LARP4B: variants seen among roughly 807,000 people sequenced by gnomAD.
LARP4B encodes La ribonucleoprotein 4B.
Under a neutral mutation model 89.8 loss-of-function variants are expected in LARP4B, and 12 were observed. The observed-to-expected ratio is 0.13, with a 90% CI of 0.09 to 0.22. LARP4B has a LOEUF of 0.22. Ranked by LOEUF, LARP4B falls within the 10% of genes least tolerant of loss-of-function variation. The probability of loss-of-function intolerance (pLI) is 1.00; values close to 1 mark genes in which losing one functional copy is unlikely to be tolerated. For synonymous variants in LARP4B, 367 were observed against 363.3 expected, an observed-to-expected ratio of 1.01 and a Z score of -0.12; for missense variants, 757 against 947.7, an observed-to-expected ratio of 0.80 and a Z score of 2.64.
chr10:917,926 G>GA (rs1836868839), intron 1 of LARP4B, among the ~76,000 whole-genome samples: 1 of 152,146 alleles, frequency 6.6e-6, no homozygotes, highest in Admixed American at 6.5e-5. Flanking sequence ...ATGGGGACTG[G>GA]AGAGAGAAAA....
the LARP4B span, among the ~76,000 whole-genome samples, chr10:954,584 G>C: frequency 5.3e-5 from 8 of 152,154 alleles, no homozygotes; most frequent in Non-Finnish European, 7.4e-5. The surrounding 1 kb of genome is among the most constrained non-coding windows in gnomAD (Gnocchi z 5.0). Context: ...GGAGGACACA[G>C]CTGCTGCGTG....
At chr10:859,684 T>C (rs930334338) in intron 5 of LARP4B, among the ~76,000 whole-genome samples, 2 of 152,200 alleles carry the variant, frequency 1.3e-5, no homozygotes, top group African/African-American at 4.8e-5. Flanking sequence ...GACAATGGAA[T>C]GTTATTCAGT....
At chr10:911,440 T>C (rs781530681) in intron 1 of LARP4B, among the ~76,000 whole-genome samples, 1 of 152,206 alleles carries the variant, frequency 6.6e-6, no homozygotes, top group African/African-American at 2.4e-5. Flanking sequence ...CCTTAAAATG[T>C]GTTTGATCCC....
chr10:969,672 T>C, the LARP4B span, among the ~76,000 whole-genome samples: 2 of 152,026 alleles, frequency 1.3e-5, no homozygotes, highest in African/African-American at 4.8e-5. Context: ...GAGGCTGCAG[T>C]GAGCCAAGAT....
chr10:820,856 G>A lies in LARP4B; in HGVS notation c.1485-11C>T. The A allele has an allele frequency of 6.2e-7, 1 of 1,612,316 alleles. No individual in the cohort carries two copies. The highest frequency in any genetic ancestry group is 2.2e-5 in the East Asian group (1 of 44,866). Reference sequence around the variant, plus strand: ...CCAAAGGAATTCTTCCTAGAGGAGTGGAAAGTGAAAGACTGTTATTTTTTT... The same window carrying A: ...CCAAAGGAATTCTTCCTAGAGGAGTAGAAAGTGAAAGACTGTTATTTTTTT... On this transcript the variant is annotated splice_polypyrimidine_tract_variant and intron_variant, in intron 13 of 17. Coordinates refer to ENST00000316157, the MANE Select transcript of LARP4B (RefSeq NM_015155.3).
chr10:915,832 C>CAAAA (rs71297915), intron 1 of LARP4B, among the ~76,000 whole-genome samples: 11 of 75,162 alleles, frequency 1.5e-4, no homozygotes, highest in Non-Finnish European at 1.8e-4. Flanking sequence ...GACTCCGCCT[C>CAAAA]AAAAAAAAAA....
chr10:938,804 C>T, the LARP4B span, among the ~76,000 whole-genome samples: 1 of 152,130 alleles, frequency 6.6e-6, no homozygotes, highest in Non-Finnish European at 1.5e-5. Flanking sequence ...TGCAATTTGT[C>T]TGTAAACTTG....
chr10:864,103 C>A lies in LARP4B; in HGVS notation c.289+20G>T. 1 of 1,613,906 alleles carries A rather than the reference C, an allele frequency of 6.2e-7. No individual in the cohort carries two copies. The highest frequency in any genetic ancestry group is 8.5e-7 in the Non-Finnish European group (1 of 1,179,860). On this transcript the variant is annotated intron_variant, in intron 4 of 17. Transcript: ENST00000316157. ...GGCCTGAAAGCAGGGGGCTGCACAC[C>A]ACGGCCATGCTCAACTTACCCTGCG...
intron 5 of LARP4B, among the ~76,000 whole-genome samples, chr10:849,235 A>G (rs999907963): frequency 1.3e-5 from 2 of 152,218 alleles, no homozygotes; most frequent in African/African-American, 2.4e-5. Context: ...CTAGCACTCA[A>G]TCTTGGTTTC....
At chr10:823,395 T>C (rs1307854517) in intron 13 of LARP4B, among the ~76,000 whole-genome samples, 1 of 152,156 alleles carries the variant, frequency 6.6e-6, no homozygotes, top group Non-Finnish European at 1.5e-5. Context: ...ACAGTTGCAT[T>C]TGGAAGTTCA....
intron 1 of LARP4B, among the ~76,000 whole-genome samples, chr10:895,047 A>G (rs1327029354): frequency 5.9e-5 from 9 of 152,162 alleles, no homozygotes; most frequent in Admixed American, 3.3e-4. Context: ...TTAGCTGCGC[A>G]TGGCGGCGTG....
intron 5 of LARP4B, among the ~76,000 whole-genome samples, chr10:847,109 G>T (rs925794867): frequency 6.6e-6 from 1 of 152,038 alleles, no homozygotes; most frequent in Admixed American, 6.5e-5. Context: ...GACCTGGACT[G>T]CACTCAAGAG....
At chr10:946,525 T>C in the LARP4B span, among the ~76,000 whole-genome samples, 1 of 152,262 alleles carries the variant, frequency 6.6e-6, no homozygotes, top group Admixed American at 6.5e-5. Context: ...TTTCTCCAGT[T>C]ATGAAAGAAT....
chr10:833,265 A>C (rs1048751824), intron 8 of LARP4B, among the ~76,000 whole-genome samples: 1 of 147,208 alleles, frequency 6.8e-6, no homozygotes, highest in Admixed American at 6.7e-5. Flanking sequence ...AAAAAAAAAA[A>C]AAAAAAAAAA....
intron 1 of LARP4B, among the ~76,000 whole-genome samples, chr10:918,548 C>G (rs554756911): frequency 1.3e-5 from 2 of 148,276 alleles, no homozygotes; most frequent in South Asian, 4.3e-4. Context: ...GAGGGAGGAC[C>G]GCTTGAGACT....
chr10:887,800 G>A (rs945132689), intron 1 of LARP4B, among the ~76,000 whole-genome samples: 4 of 152,066 alleles, frequency 2.6e-5, no homozygotes, highest in Admixed American at 6.5e-5. Context: ...GAGGAGGGCA[G>A]ATCACTTGAG....
chr10:837,427 T>A (rs985955736), intron 7 of LARP4B, among the ~76,000 whole-genome samples: 3 of 152,194 alleles, frequency 2.0e-5, no homozygotes, highest in Admixed American at 6.5e-5. Flanking sequence ...ATCAATGCAA[T>A]CCCAATAAAA....
At chr10:984,421 G>T in the LARP4B span, among the ~76,000 whole-genome samples, 8 of 152,074 alleles carry the variant, frequency 5.3e-5, no homozygotes, top group African/African-American at 1.7e-4. Flanking sequence ...ACCTAAAATT[G>T]TTCCTTTATG....
intron 1 of LARP4B, among the ~76,000 whole-genome samples, chr10:896,858 C>A (rs780965977): frequency 6.6e-6 from 1 of 152,100 alleles, no homozygotes; most frequent in Non-Finnish European, 1.5e-5. Context: ...GGAAAGACAT[C>A]CATGTTTATG....
Sources: gnomAD v4.1 joint callset for allele counts (sites outside exome capture counted in the v4.1 genomes callset) on GRCh38, gnomAD v4.1.1 for gene constraint, Gnocchi (gnomAD v3.1) non-coding constraint, MANE v1.5 for transcripts, NCBI Gene and HGNC (gene_info 2026-07-23, HGNC 2026-07-21) for gene names.